Variants in ZNF568 observed in about 807,000 individuals in gnomAD.
ZNF568 encodes the protein p53 inhibitor of SCO2 activation.
ZNF568 carries 11 observed loss-of-function variants against 18.1 expected under a neutral mutation model. The observed-to-expected ratio is 0.61, with a 90% CI of 0.38 to 1.00. The LOEUF is 1.00. ZNF568 is among the 50% of genes least tolerant of loss of function. The pLI, the probability that ZNF568 is intolerant of heterozygous loss-of-function variation, is 0.01. For synonymous variants in ZNF568, 213 were observed against 246.6 expected (o/e 0.86, Z 1.28); for missense variants, 639 against 768.2 (o/e 0.83, Z 1.99).
chr19:36,932,766 A>G (rs2073709004), intron 4 of ZNF568, among the ~76,000 whole-genome samples: 1 of 152,158 alleles, frequency 6.6e-6, no homozygotes, highest in Admixed American at 6.5e-5. Flanking sequence ...TTTGATTTAC[A>G]CGTACTGTAT....
intron 2 of ZNF568, among the ~76,000 whole-genome samples, chr19:36,921,972 A>T (rs962120690): frequency 2.0e-5 from 3 of 152,240 alleles, no homozygotes; most frequent in Non-Finnish European, 4.4e-5. Flanking sequence ...ATAGGTAAAC[A>T]TCACTTGGTT....
At chr19:36,975,447 G>C (rs564173624) in intron 7 of ZNF568, among the ~76,000 whole-genome samples, 15 of 135,448 alleles carry the variant, frequency 1.1e-4, no homozygotes, top group African/African-American at 4.2e-4. Flanking sequence ...GTGCAGTGGT[G>C]TTATCTCAGC....
chr19:36,982,097 TAA>T (rs965276259), downstream of ZNF568, among the ~76,000 whole-genome samples: 7 of 152,318 alleles, frequency 4.6e-5, no homozygotes, highest in African/African-American at 1.4e-4. Context: ...CATTGATGAA[TAA>T]AGATACTTTT....
At chr19:36,976,382 CATTA>C (rs1239588061) in intron 7 of ZNF568, 2 of 152,146 alleles carry the variant, frequency 1.3e-5, no homozygotes, top group Admixed American at 1.3e-4. Context: ...GACTATATTT[CATTA>C]ATTCTCTGAT....
intron 4 of ZNF568, 82 bp from the exon 5 acceptor site, chr19:36,936,664 C>T: frequency 7.1e-7 from 1 of 1,409,556 alleles, no homozygotes; most frequent in Non-Finnish European, 9.7e-7. Flanking sequence ...CCCCTGAGTA[C>T]CAGCTAAACA....
intron 4 of ZNF568, among the ~76,000 whole-genome samples, chr19:36,992,172 G>T (rs1386426415): frequency 1.3e-5 from 2 of 151,406 alleles, no homozygotes; most frequent in East Asian, 3.9e-4. Flanking sequence ...GAACCTGGGA[G>T]GCAGAGGTTG....
At chr19:36,997,155 C>T (rs181139941) in exon 5 of ZNF568, 1 of 1,585,304 alleles carries the variant, frequency 6.3e-7, no homozygotes, top group African/African-American at 1.4e-5. Flanking sequence ...GAAAGGTGTA[C>T]AGTTGTGCCT....
At chr19:36,975,650 C>A (rs1011953179) in intron 7 of ZNF568, among the ~76,000 whole-genome samples, 1 of 144,540 alleles carries the variant, frequency 6.9e-6, no homozygotes, top group African/African-American at 2.6e-5. Flanking sequence ...TCCCAAAGTG[C>A]TGGCAGCAGG....
downstream of ZNF568, among the ~76,000 whole-genome samples, chr19:36,983,604 TTTAGTATCTAAATA>T (rs1685285187): frequency 6.6e-6 from 1 of 152,214 alleles, no homozygotes; most frequent in Non-Finnish European, 1.5e-5. Context: ...TCAAGCTTAA[TTTAGTATCTAAATA>T]TTCTGTTTTT....
chr19:36,979,058 A>G, exon 8 of ZNF568: 1 of 299,986 alleles, frequency 3.3e-6, no homozygotes, highest in Non-Finnish European at 6.3e-6. Flanking sequence ...ATCTCAGCTC[A>G]CCGCAACCTC....
At chr19:36,917,557 C>T (rs2073365620) in intron 1 of ZNF568, 22 bp from the exon 2 acceptor site, 1 of 152,028 alleles carries the variant, frequency 6.6e-6, no homozygotes, top group Admixed American at 6.6e-5. Flanking sequence ...TTTTCTAACC[C>T]CCTTGTGTCT....
rs1385113209 is a variant in ZNF568 at position 36,933,221 on chromosome 19, AC to A, written c.136-3523del. Among the ~76,000 whole-genome samples the A allele has an allele frequency of 2.0e-5, 3 of 147,436 alleles. No individual in the cohort carries two copies. In the East Asian group the frequency reaches 6.0e-4, roughly 29 times the overall value. On this transcript the variant is annotated intron_variant, in intron 4 of 6. Transcript: ENST00000333987. Reference sequence around the variant, plus strand: ...TTAACCTTTGTATACGGCATGATCCACCTTCATTCCCTTGCATGCAGACAGT... The same window carrying A: ...TTAACCTTTGTATACGGCATGATCCACTTCATTCCCTTGCATGCAGACAGT...
At chr19:36,920,711 AT>A (rs2073438488) in intron 2 of ZNF568, among the ~76,000 whole-genome samples, 1 of 152,184 alleles carries the variant, frequency 6.6e-6, no homozygotes, top group Non-Finnish European at 1.5e-5. Context: ...AATTTTATAA[AT>A]TTAGTGTAGC....
intron 2 of ZNF568, among the ~76,000 whole-genome samples, chr19:36,990,853 T>C (rs2074417533): frequency 6.6e-6 from 1 of 152,194 alleles, no homozygotes; most frequent in African/African-American, 2.4e-5. Flanking sequence ...GTGCTTAACA[T>C]AGGGTGTTCC....
chr19:36,976,836 G>A (rs2074289357), intron 7 of ZNF568, among the ~76,000 whole-genome samples: 1 of 152,138 alleles, frequency 6.6e-6, no homozygotes, highest in Admixed American at 6.5e-5. Context: ...GCTGAACCTG[G>A]GAGGTAGAGG....
chr19:36,988,785 G>T lies in ZNF568; in HGVS notation c.10-2391G>T, dbSNP rs73623525. On this transcript the variant is annotated intron_variant, in intron 2 of 4. Coordinates refer to the ZNF568 transcript ENST00000433993. ...TGATGTTTCAGTACATATCTATGTG[G>T]TATAATGAGCCAGTCAGGGTAGTTA... Among the ~76,000 whole-genome samples the T allele has an allele frequency of 9.3e-3, 1,415 of 152,244 alleles. 24 individuals are homozygous for T. Among genetic ancestry groups the T allele is most frequent in the African/African-American group, 0.032 (1,346 of 41,538 alleles).
chr19:36,986,733 A>G lies in ZNF568; in HGVS notation c.10-4443A>G, dbSNP rs549982157. 4.6e-5 allele frequency among the ~76,000 whole-genome samples: 7 copies of G among 151,990 alleles called. No individual in the cohort carries two copies. The South Asian group carries it at 8.3e-4, about 18-fold the overall frequency. On this transcript the variant is annotated intron_variant, in intron 2 of 4. Coordinates refer to the ZNF568 transcript ENST00000433993. Reference sequence around the variant, plus strand: ...CCAGAGTCATGGGGATTTGATTCGTATTTTCGGATAAGAGAATTTTGTTGA... The same window carrying G: ...CCAGAGTCATGGGGATTTGATTCGTGTTTTCGGATAAGAGAATTTTGTTGA...
chr19:36,990,650 A>T (rs1342504908), intron 2 of ZNF568, among the ~76,000 whole-genome samples: 2 of 152,154 alleles, frequency 1.3e-5, no homozygotes, highest in African/African-American at 4.8e-5. Context: ...ATGAATGACT[A>T]TTATAACTGC....
At chr19:36,997,463 A>G (rs191644088), downstream of ZNF568, 7 of 1,588,280 alleles carry the variant, frequency 4.4e-6, no homozygotes, top group Middle Eastern at 1.7e-4. Context: ...GAGAGACCCC[A>G]TAAGTGTAAG....
Sources: gnomAD v4.1 joint callset for allele counts (sites outside exome capture counted in the v4.1 genomes callset) on GRCh38, gnomAD v4.1.1 for gene constraint, MANE v1.5 for transcripts, NCBI Gene and HGNC (gene_info 2026-07-23, HGNC 2026-07-21) for gene names.